KLF8: variants seen among roughly 807,000 people sequenced by gnomAD.
The protein encoded by KLF8 is Krueppel-like factor 8.
Under a neutral mutation model 18.2 loss-of-function variants are expected in KLF8, and 10 were observed. The ratio of observed to expected loss-of-function variants is 0.55; its 90% CI spans 0.34 to 0.93. KLF8 has a LOEUF of 0.93. KLF8 is among the 40% of genes least tolerant of loss of function. The pLI, the probability that KLF8 is intolerant of heterozygous loss-of-function variation, is 0.02. For missense variants in KLF8, 264 were observed against 277.9 expected, an observed-to-expected ratio of 0.95 and a Z score of 0.36; for synonymous variants, 109 against 97.3, an observed-to-expected ratio of 1.12 and a Z score of -0.71.
chrX:55,913,264 C>G, the KLF8 span, among the ~76,000 whole-genome samples: 1 of 111,568 alleles, frequency 9.0e-6, no homozygotes, highest in Non-Finnish European at 1.9e-5. Flanking sequence ...TTATTGTTCT[C>G]TCTGCCTCCA....
chrX:56,053,113 G>A, the KLF8 span, among the ~76,000 whole-genome samples: 3 of 111,929 alleles, frequency 2.7e-5, no homozygotes, highest in East Asian at 5.6e-4. Flanking sequence ...GCAATGCCTC[G>A]CCCTGCTTCG....
the KLF8 span, among the ~76,000 whole-genome samples, chrX:56,055,855 C>A: frequency 9.0e-6 from 1 of 111,173 alleles, no homozygotes; most frequent in Non-Finnish European, 1.9e-5. Context: ...GGTCTATTTT[C>A]CTATTAATAC....
the KLF8 span, among the ~76,000 whole-genome samples, chrX:55,938,435 G>C: frequency 9.0e-6 from 1 of 111,690 alleles, no homozygotes; most frequent in African/African-American, 3.3e-5. Flanking sequence ...AAATTGTAAA[G>C]ACCATCAAGG....
chrX:55,998,735 A>C, the KLF8 span, among the ~76,000 whole-genome samples: 2 of 109,482 alleles, frequency 1.8e-5, no homozygotes, highest in African/African-American at 3.4e-5. Context: ...CCCACACTGG[A>C]TATTAGTTCT....
At chrX:56,083,401 A>T in the KLF8 span, among the ~76,000 whole-genome samples, 2 of 111,982 alleles carry the variant, frequency 1.8e-5, no homozygotes, top group East Asian at 5.6e-4. Flanking sequence ...AACAAACCAA[A>T]ATATTGTGCT....
At chrX:56,082,249 T>C in the KLF8 span, among the ~76,000 whole-genome samples, 2 of 111,938 alleles carry the variant, frequency 1.8e-5, no homozygotes, top group South Asian at 7.3e-4. Flanking sequence ...TACAATTGTT[T>C]GTATTATCCA....
At chrX:56,160,970 G>A in the KLF8 span, among the ~76,000 whole-genome samples, 1 of 111,332 alleles carries the variant, frequency 9.0e-6, no homozygotes, top group Non-Finnish European at 1.9e-5. Context: ...AGTTGATGCA[G>A]TTTCTTCCTA....
the KLF8 span, among the ~76,000 whole-genome samples, chrX:56,145,403 G>A: frequency 8.9e-6 from 1 of 112,050 alleles, no homozygotes; most frequent in South Asian, 3.6e-4. Context: ...AAATAGTTTG[G>A]AAGTCTCAAA....
At chrX:55,981,913 T>C in the KLF8 span, among the ~76,000 whole-genome samples, 1 of 111,565 alleles carries the variant, frequency 9.0e-6, no homozygotes, top group African/African-American at 3.3e-5. Context: ...CTAAGCTAAG[T>C]TTGAGGGTAG....
the KLF8 span, among the ~76,000 whole-genome samples, chrX:56,161,159 A>G: frequency 5.6e-4 from 63 of 111,616 alleles, no homozygotes; most frequent in African/African-American, 1.8e-3. Flanking sequence ...AGCTTAGTTT[A>G]GCTGGATATG....
the KLF8 span, among the ~76,000 whole-genome samples, chrX:55,983,205 T>G: frequency 9.0e-6 from 1 of 111,689 alleles, no homozygotes; most frequent in Non-Finnish European, 1.9e-5. Flanking sequence ...TTATATTTTT[T>G]GTAGGTGATG....
At chrX:56,083,534 T>C in the KLF8 span, among the ~76,000 whole-genome samples, 1 of 112,204 alleles carries the variant, frequency 8.9e-6, no homozygotes, top group Admixed American at 9.5e-5. Flanking sequence ...GGCTTTTTAC[T>C]TTTCAGTGCT....
intron 5 of KLF8, among the ~76,000 whole-genome samples, chrX:56,273,119 A>C (rs1178275842): frequency 8.9e-6 from 1 of 111,753 alleles, no homozygotes; most frequent in Non-Finnish European, 1.9e-5. Context: ...AACCCAGTGT[A>C]TCACAAATAC....
intron 5 of KLF8, among the ~76,000 whole-genome samples, chrX:56,282,521 A>G (rs1379769882): frequency 8.9e-6 from 1 of 112,073 alleles, no homozygotes; most frequent in Non-Finnish European, 1.9e-5. Flanking sequence ...GTTGCTCATT[A>G]TGTGAACACT....
At chrX:56,179,276 G>A in the KLF8 span, among the ~76,000 whole-genome samples, 2 of 111,799 alleles carry the variant, frequency 1.8e-5, no homozygotes, top group Non-Finnish European at 3.8e-5. Context: ...GTTCACTCAT[G>A]ATTTAGCTCT....
At chrX:56,248,588 G>T (rs1165029222) in intron 1 of KLF8, among the ~76,000 whole-genome samples, 1 of 111,559 alleles carries the variant, frequency 9.0e-6, no homozygotes, top group Admixed American at 9.5e-5. Context: ...AATGAAGCCT[G>T]TTGAAGGTGT....
chrX:56,192,572 A>G, the KLF8 span, among the ~76,000 whole-genome samples: 1 of 112,143 alleles, frequency 8.9e-6, no homozygotes, highest in African/African-American at 3.2e-5. Flanking sequence ...AAATTATGCA[A>G]AATCTATATT....
the KLF8 span, among the ~76,000 whole-genome samples, chrX:56,159,532 T>G: frequency 9.0e-6 from 1 of 111,605 alleles, no homozygotes; most frequent in Admixed American, 9.5e-5. Context: ...TTTTTTTGGT[T>G]GGTAAGCTAT....
chrX:56,027,811 T>C, the KLF8 span, among the ~76,000 whole-genome samples: 5 of 112,580 alleles, frequency 4.4e-5, no homozygotes, highest in South Asian at 1.8e-3. Flanking sequence ...GGGAGCAAGG[T>C]GGAAGGATTT....
Sources: allele counts gnomAD v4.1 joint callset (sites outside exome capture counted in the v4.1 genomes callset), GRCh38; gene constraint gnomAD v4.1.1; transcripts MANE v1.5; gene names NCBI Gene and HGNC (gene_info 2026-07-23, HGNC 2026-07-21).